The following PABPC4L variants were observed in gnomAD, a reference collection of about 807,000 sequenced individuals.
PABPC4L encodes the protein poly(A) binding protein cytoplasmic 4 like.
For synonymous variants in PABPC4L, 169 were observed against 164.1 expected (o/e 1.03, Z -0.23); for missense variants, 452 against 451.4 (o/e 1.00, Z -0.01).
At chr4:133,987,975 A>G in the PABPC4L span, among the ~76,000 whole-genome samples, 1 of 152,122 alleles carries the variant, frequency 6.6e-6, no homozygotes, top group Non-Finnish European at 1.5e-5. Flanking sequence ...ACATGGTGGC[A>G]GCAAGAAGTG....
the PABPC4L span, among the ~76,000 whole-genome samples, chr4:134,109,057 GT>G: frequency 6.6e-6 from 1 of 151,786 alleles, no homozygotes; most frequent in African/African-American, 2.4e-5. Flanking sequence ...AAAACTTTAT[GT>G]AACCCTAAAC....
chr4:134,097,970 T>A, the PABPC4L span, among the ~76,000 whole-genome samples: 6 of 151,930 alleles, frequency 3.9e-5, no homozygotes, highest in East Asian at 1.2e-3. Context: ...TTTATCCTGA[T>A]AGGGAAAGGT....
the PABPC4L span, among the ~76,000 whole-genome samples, chr4:134,060,025 T>G: frequency 6.6e-6 from 1 of 152,104 alleles, no homozygotes; most frequent in Non-Finnish European, 1.5e-5. Flanking sequence ...AGAATCTGTA[T>G]GCTTGGAGGA....
At chr4:134,176,886 C>A in the PABPC4L span, among the ~76,000 whole-genome samples, 3 of 152,112 alleles carry the variant, frequency 2.0e-5, no homozygotes, top group African/African-American at 7.2e-5. Context: ...AGGCAAAGAG[C>A]CACCTGGATG....
chr4:133,965,758 G>A, the PABPC4L span, among the ~76,000 whole-genome samples: 1 of 152,050 alleles, frequency 6.6e-6, no homozygotes, highest in African/African-American at 2.4e-5. Context: ...ATAGATAATT[G>A]GCTAGCCATA....
chr4:134,166,534 T>C, the PABPC4L span, among the ~76,000 whole-genome samples: 3,417 of 152,134 alleles, frequency 0.022, 130 homozygotes, highest in African/African-American at 0.078. Context: ...TTGGGCACCA[T>C]CCTCTTGGGC....
chr4:134,028,741 G>GTAA, the PABPC4L span, among the ~76,000 whole-genome samples: 2 of 152,096 alleles, frequency 1.3e-5, no homozygotes, highest in African/African-American at 2.4e-5. Context: ...CACTAAGGAA[G>GTAA]TAATAATAAT....
the PABPC4L span, among the ~76,000 whole-genome samples, chr4:134,076,109 G>T: frequency 6.6e-6 from 1 of 151,692 alleles, no homozygotes; most frequent in African/African-American, 2.4e-5. Context: ...CTAATTTCAG[G>T]AAAATTTTCA....
the PABPC4L span, among the ~76,000 whole-genome samples, chr4:133,986,008 A>G: frequency 1.3e-5 from 2 of 152,138 alleles, no homozygotes; most frequent in African/African-American, 4.8e-5. Context: ...TATATTGTAC[A>G]CATCGAGAAT....
the PABPC4L span, among the ~76,000 whole-genome samples, chr4:134,158,043 T>C: frequency 6.6e-6 from 1 of 151,946 alleles, no homozygotes; most frequent in Non-Finnish European, 1.5e-5. Flanking sequence ...CTAATGCTTT[T>C]GAAGAATATC....
the PABPC4L span, among the ~76,000 whole-genome samples, chr4:134,170,012 G>GT: frequency 2.0e-5 from 3 of 152,086 alleles, no homozygotes; most frequent in East Asian, 1.9e-4. Flanking sequence ...CTGATAGGTA[G>GT]TTTTTCTATT....
chr4:134,119,750 C>T, the PABPC4L span, among the ~76,000 whole-genome samples: 2 of 151,648 alleles, frequency 1.3e-5, no homozygotes, highest in African/African-American at 4.8e-5. Context: ...TATATTCTCT[C>T]CTCTGACTTC....
chr4:134,147,847 G>A, the PABPC4L span, among the ~76,000 whole-genome samples: 1 of 151,840 alleles, frequency 6.6e-6, no homozygotes, highest in East Asian at 1.9e-4. Flanking sequence ...CATTGTTGGA[G>A]ATGTGGAAAA....
the PABPC4L span, among the ~76,000 whole-genome samples, chr4:134,083,986 A>G: frequency 6.6e-6 from 1 of 152,198 alleles, no homozygotes; most frequent in African/African-American, 2.4e-5. Flanking sequence ...TTTTTATTTA[A>G]ATGGCTTTTA....
In PABPC4L at chr4:134,200,208, C is replaced by T. The variant is rs921165101; in HGVS notation, c.812G>A (p.Arg271Gln). ...FVGRAQKKVE[R>Q]QAELKQMFEQ... ...AAACATTTGCTTTAACTCAGCCTGTCGCTCGACTTTCTTTTGAGCCCGGCC... is the reference window on the plus strand; with the variant it reads ...AAACATTTGCTTTAACTCAGCCTGTTGCTCGACTTTCTTTTGAGCCCGGCC... The change falls in exon 2 of 2, where the codon CGA becomes CAA. Residue 271 changes from arginine (R) to glutamine (Q), a missense_variant. Transcript: ENST00000421491. 3.2e-6 allele frequency: 5 copies of T among 1,551,532 alleles called. No homozygotes were observed. The Admixed American group carries it at 5.9e-5, about 18-fold the overall frequency.
chr4:134,012,939 G>A, the PABPC4L span, among the ~76,000 whole-genome samples: 2 of 152,072 alleles, frequency 1.3e-5, no homozygotes, highest in South Asian at 2.1e-4. Context: ...CCAAAACTCT[G>A]GCGCCGGTCA....
the PABPC4L span, among the ~76,000 whole-genome samples, chr4:134,040,735 T>C: frequency 6.6e-6 from 1 of 152,092 alleles, no homozygotes; most frequent in East Asian, 1.9e-4. Context: ...TGGGATCTCA[T>C]TAAACTAAAG....
At chr4:134,192,669 G>A (rs940465230), downstream of PABPC4L, among the ~76,000 whole-genome samples, 6 of 152,060 alleles carry the variant, frequency 3.9e-5, no homozygotes. Flanking sequence ...TCACACAACA[G>A]AAGAATATGA....
the PABPC4L span, among the ~76,000 whole-genome samples, chr4:133,961,847 C>T: frequency 6.6e-6 from 1 of 152,158 alleles, no homozygotes; most frequent in South Asian, 2.1e-4. Flanking sequence ...TAGAGGCTCA[C>T]CATTGTTCCT....
Sources: gnomAD v4.1 joint callset for allele counts (sites outside exome capture counted in the v4.1 genomes callset) on GRCh38, gnomAD v4.1.1 for gene constraint, MANE v1.5 for transcripts, NCBI Gene and HGNC (gene_info 2026-07-23, HGNC 2026-07-21) for gene names.